The following TENM3 variants were observed in gnomAD, a reference collection of about 807,000 sequenced individuals.
The protein encoded by TENM3 is teneurin-3.
A neutral mutation model predicts 255.1 loss-of-function variants in TENM3; 63 were observed. That is an observed-to-expected ratio of 0.25 (90% confidence interval 0.20 to 0.30). The LOEUF is 0.30. Ranked by LOEUF, TENM3 falls within the 10% of genes least tolerant of loss-of-function variation. The pLI, the probability that TENM3 is intolerant of heterozygous loss-of-function variation, is 1.00. For synonymous variants in TENM3, 1,306 were observed against 1,322.3 expected (o/e 0.99, Z 0.27); for missense variants, 2,929 against 3,461.1 (o/e 0.85, Z 3.86).
chr4:182,507,735 A>G (rs552986524), intron 3 of TENM3, among the ~76,000 whole-genome samples: 1 of 152,350 alleles, frequency 6.6e-6, no homozygotes, highest in East Asian at 1.9e-4. Context: ...CTTTTGAAAT[A>G]CAGGGCTTCC....
At chr4:182,778,946 CTTT>C (rs201688335) in intron 24 of TENM3, among the ~76,000 whole-genome samples, 1 of 115,964 alleles carries the variant, frequency 8.6e-6, no homozygotes, top group East Asian at 2.5e-4. Context: ...ATATTTTTTT[CTTT>C]TTTTTTTTAA....
At chr4:182,381,230 C>T (rs546574515) in intron 3 of TENM3, among the ~76,000 whole-genome samples, 1 of 152,270 alleles carries the variant, frequency 6.6e-6, no homozygotes, top group South Asian at 2.1e-4. Flanking sequence ...AGACGGAAAA[C>T]ACCTATTAGT....
intron 11 of TENM3, among the ~76,000 whole-genome samples, chr4:182,683,787 C>T (rs745988337): frequency 6.6e-5 from 10 of 151,900 alleles, no homozygotes; most frequent in Non-Finnish European, 1.2e-4. Flanking sequence ...ACTTTGATGG[C>T]GAAGAGACAA....
chr4:182,099,991 A>C, the TENM3 span, among the ~76,000 whole-genome samples: 1 of 152,142 alleles, frequency 6.6e-6, no homozygotes, highest in African/African-American at 2.4e-5. Flanking sequence ...CTTGATCCAC[A>C]GTGGCTAAGA....
intron 3 of TENM3, among the ~76,000 whole-genome samples, chr4:182,389,861 AT>A (rs1402997209): frequency 6.6e-6 from 1 of 151,584 alleles, no homozygotes; most frequent in East Asian, 1.9e-4. Context: ...AATTTTTTGT[AT>A]TTTTAGTAGA....
At chr4:182,511,887 T>A (rs928432328) in intron 3 of TENM3, among the ~76,000 whole-genome samples, 1 of 152,172 alleles carries the variant, frequency 6.6e-6, no homozygotes, top group Non-Finnish European at 1.5e-5. Context: ...ATGTATTATA[T>A]CATTAAATCT....
chr4:181,972,690 T>C, the TENM3 span, among the ~76,000 whole-genome samples: 64 of 152,226 alleles, frequency 4.2e-4, no homozygotes, highest in African/African-American at 1.5e-3. Context: ...TGCCCAGTGA[T>C]TGCAGGGAAC....
intron 3 of TENM3, among the ~76,000 whole-genome samples, chr4:182,413,372 T>C (rs957906316): frequency 6.6e-6 from 1 of 152,120 alleles, no homozygotes; most frequent in African/African-American, 2.4e-5. Context: ...ATCCCAGCAC[T>C]TTAGGAGGCT....
intron 3 of TENM3, among the ~76,000 whole-genome samples, chr4:182,362,002 G>A (rs1011246611): frequency 1.3e-5 from 2 of 152,162 alleles, no homozygotes; most frequent in Non-Finnish European, 2.9e-5. Context: ...TGTTTGCCTG[G>A]GTATCAGCAG....
chr4:182,771,469 C>T (rs182933374), intron 22 of TENM3, among the ~76,000 whole-genome samples: 158 of 146,848 alleles, frequency 1.1e-3, no homozygotes, highest in South Asian at 1.8e-3. Context: ...CAGCTAACCA[C>T]GTCGTATTTT....
At chr4:182,690,189 C>T (rs1756907655) in intron 12 of TENM3, among the ~76,000 whole-genome samples, 1 of 152,188 alleles carries the variant, frequency 6.6e-6, no homozygotes, top group Non-Finnish European at 1.5e-5. Flanking sequence ...CTTGGAGCTT[C>T]GCTTGTTGCA....
At chr4:182,633,142 G>C (rs1751538431) in intron 5 of TENM3, among the ~76,000 whole-genome samples, 1 of 151,982 alleles carries the variant, frequency 6.6e-6, no homozygotes. Flanking sequence ...ATGTTTCCTA[G>C]ATTGGTCTCA....
chr4:181,808,820 AG>A, the TENM3 span, among the ~76,000 whole-genome samples: 1 of 152,214 alleles, frequency 6.6e-6, no homozygotes, highest in Admixed American at 6.5e-5. Flanking sequence ...ACACACAAGG[AG>A]GTATACTTGC....
At chr4:182,087,358 T>C in the TENM3 span, among the ~76,000 whole-genome samples, 1 of 152,166 alleles carries the variant, frequency 6.6e-6, no homozygotes, top group Non-Finnish European at 1.5e-5. Flanking sequence ...TAATAAACTT[T>C]TGGGAGAAGA....
chr4:181,760,969 TAC>T, the TENM3 span, among the ~76,000 whole-genome samples: 3,990 of 50,572 alleles, frequency 0.079, 80 homozygotes, highest in East Asian at 0.17. Context: ...ACCACACACA[TAC>T]ACACACACAC....
the TENM3 span, among the ~76,000 whole-genome samples, chr4:181,520,842 A>G: frequency 6.6e-6 from 1 of 152,200 alleles, no homozygotes; most frequent in African/African-American, 2.4e-5. Context: ...CAGAAGTTCC[A>G]AGCATCTGCA....
chr4:181,884,405 C>G, the TENM3 span, among the ~76,000 whole-genome samples: 1 of 151,798 alleles, frequency 6.6e-6, no homozygotes, highest in Non-Finnish European at 1.5e-5. Flanking sequence ...CCATTATTTC[C>G]TTAACATTTT....
chr4:182,480,865 T>A (rs1282571642), intron 3 of TENM3, among the ~76,000 whole-genome samples: 4 of 152,158 alleles, frequency 2.6e-5, no homozygotes, highest in East Asian at 1.9e-4. Context: ...GACATATTTT[T>A]AGGCAATTGT....
chr4:182,093,180 C>T, the TENM3 span, among the ~76,000 whole-genome samples: 1 of 152,190 alleles, frequency 6.6e-6, no homozygotes, highest in East Asian at 1.9e-4. Context: ...CTGCTAGTCA[C>T]CTCCAAATTA....
Sources: gnomAD v4.1 joint callset for allele counts (sites outside exome capture counted in the v4.1 genomes callset) on GRCh38, gnomAD v4.1.1 for gene constraint, MANE v1.5 for transcripts, NCBI Gene and HGNC (gene_info 2026-07-23, HGNC 2026-07-21) for gene names.